COL14A1: variants seen among roughly 807,000 people sequenced by gnomAD.
COL14A1 encodes collagen type XIV alpha 1 chain, also known as collagen alpha-1(XIV) chain.
Under a neutral mutation model 230.3 loss-of-function variants are expected in COL14A1, and 136 were observed. The observed-to-expected ratio is 0.59, with a 90% CI of 0.51 to 0.68. The LOEUF is 0.68. Ranked by LOEUF, COL14A1 falls within the 30% of genes least tolerant of loss-of-function variation. The pLI, the probability that COL14A1 is intolerant of heterozygous loss-of-function variation, is 0.00. For missense variants in COL14A1, 1,976 were observed against 2,215.8 expected (o/e 0.89, Z 2.17); for synonymous variants, 792 against 784.1 (o/e 1.01, Z -0.17).
chr8:120,307,795 A>G (rs1809284530), intron 36 of COL14A1, among the ~76,000 whole-genome samples: 1 of 152,158 alleles, frequency 6.6e-6, no homozygotes, highest in African/African-American at 2.4e-5. Context: ...GGAAACAGGG[A>G]CCCTCTTAAA....
At chr8:120,216,610 C>A in intron 14 of COL14A1, 120 bp downstream of exon 14, 2 of 1,065,666 alleles carry the variant, frequency 1.9e-6, no homozygotes, top group Non-Finnish European at 2.6e-6. Context: ...TATTGTCTCG[C>A]ATAGTTCCTG....
chr8:120,316,039 C>CTT, intron 40 of COL14A1, 42 bp downstream of exon 40: 1 of 1,601,856 alleles, frequency 6.2e-7, no homozygotes, highest in Non-Finnish European at 8.6e-7. Flanking sequence ...AAGTAGTGAC[C>CTT]TTTTCACCAG....
intron 32 of COL14A1, 31 bp from the exon 33 acceptor site, chr8:120,285,830 T>G (rs763912906): frequency 1.5e-5 from 21 of 1,396,778 alleles, no homozygotes; most frequent in Non-Finnish European, 1.8e-5. Flanking sequence ...CTTTAATTAT[T>G]TCTAAAATAT....
At chr8:120,163,838 C>T (rs1271720294) in intron 4 of COL14A1, among the ~76,000 whole-genome samples, 2 of 152,074 alleles carry the variant, frequency 1.3e-5, no homozygotes, top group Admixed American at 1.3e-4. Context: ...GACATTCATT[C>T]ATTCTTTTTT....
At chr8:120,208,437 C>T in intron 11 of COL14A1, 76 bp downstream of exon 11, 1 of 1,488,086 alleles carries the variant, frequency 6.7e-7, no homozygotes, top group Non-Finnish European at 9.1e-7. Flanking sequence ...TGAAATTCTG[C>T]TCAGGTCATG....
chr8:120,279,138 G>T (rs917406058), intron 28 of COL14A1, among the ~76,000 whole-genome samples: 1 of 150,748 alleles, frequency 6.6e-6, no homozygotes, highest in African/African-American at 2.4e-5. Context: ...CATCACACAC[G>T]GGGGCCTGTC....
At chr8:120,196,971 G>T in intron 6 of COL14A1, 25 bp downstream of exon 6, 3 of 1,608,662 alleles carry the variant, frequency 1.9e-6, no homozygotes, top group Non-Finnish European at 2.5e-6. Flanking sequence ...ATTAGCAGTA[G>T]CAGTCAGTTG....
At chr8:120,163,257 A>T (rs1815749762) in intron 4 of COL14A1, among the ~76,000 whole-genome samples, 1 of 152,212 alleles carries the variant, frequency 6.6e-6, no homozygotes. Context: ...GACTCTGTGA[A>T]GAGAGGTACT....
chr8:120,164,558 A>C (rs1405318788), intron 4 of COL14A1, among the ~76,000 whole-genome samples: 1 of 152,220 alleles, frequency 6.6e-6, no homozygotes, highest in Non-Finnish European at 1.5e-5. Flanking sequence ...ATATTTTAAA[A>C]ATTTAAAAGA....
At chr8:120,280,530 G>A (rs999531984) in intron 29 of COL14A1, among the ~76,000 whole-genome samples, 181 bp from the exon 30 acceptor site, 2 of 152,096 alleles carry the variant, frequency 1.3e-5, no homozygotes, top group African/African-American at 4.8e-5. Flanking sequence ...GTTGTAATAA[G>A]GGACCTTAGC....
chr8:120,290,222 G>T, intron 34 of COL14A1, among the ~76,000 whole-genome samples: 1 of 151,990 alleles, frequency 6.6e-6, no homozygotes, highest in East Asian at 1.9e-4. Context: ...GGTTAGATTT[G>T]GGCATTTTAA....
At chr8:120,309,288 C>T (rs1276979672) in intron 36 of COL14A1, among the ~76,000 whole-genome samples, 1 of 152,056 alleles carries the variant, frequency 6.6e-6, no homozygotes, top group Non-Finnish European at 1.5e-5. Context: ...CTAAGATTAC[C>T]TTATAGTTTT....
Position 120,160,157 on chromosome 8 carries a change from C to T in COL14A1, c.205+1911C>T, listed in dbSNP as rs112960455. 5.8e-3 allele frequency among the ~76,000 whole-genome samples: 876 copies of T among 152,062 alleles called. 9 individuals are homozygous for T. Among genetic ancestry groups the T allele is most frequent in the African/African-American group, 0.018 (752 of 41,472 alleles). The stretch of plus-strand genomic sequence containing the variant: ...AGAGTTTTCATTTTGGAGTATGACT[C>T]AGTTATGAAATTTCTTTGATTTTTA... On this transcript the variant is annotated intron_variant, in intron 3 of 47. Transcript: ENST00000297848.
rs746702149 is a variant in COL14A1, at chr8:120,199,541, G to A, written c.852G>A (p.Glu284=). The stretch of plus-strand genomic sequence containing the variant: ...TTCCACCATCTAGAAATCTTCGTGA[G>A]TCTGGTGTAGAACTGTTTGCCATAG... ...DIIPPSRNLR[E]SGVELFAIGV... The change falls in exon 8 of 48, where the codon GAG becomes GAA. Residue 284 remains glutamate, a synonymous_variant. Transcript: ENST00000297848. 3.7e-6 allele frequency: 6 copies of A among 1,612,916 alleles called. No homozygotes were observed. The highest frequency in any genetic ancestry group is 1.7e-4 in the Middle Eastern group (1 of 6,056).
chr8:120,354,822 C>A (rs116189578), intron 45 of COL14A1, among the ~76,000 whole-genome samples: 2 of 152,176 alleles, frequency 1.3e-5, no homozygotes, highest in Admixed American at 6.5e-5. Context: ...ATTGAAGAGG[C>A]CTCATTTGCA....
chr8:120,236,377 C>T (rs565864801), intron 19 of COL14A1, among the ~76,000 whole-genome samples: 4 of 151,722 alleles, frequency 2.6e-5, no homozygotes, highest in African/African-American at 9.7e-5. Flanking sequence ...TAATGCCCTT[C>T]TTTGTCTTTT....
intron 15 of COL14A1, among the ~76,000 whole-genome samples, chr8:120,226,056 T>TTTGGTGTTGGGTG (rs1485666892): frequency 6.6e-6 from 1 of 152,050 alleles, no homozygotes; most frequent in African/African-American, 2.4e-5. Flanking sequence ...GATAATTTAT[T>TTTGGTGTTGGGTG]TTGGGTGCAG....
intron 45 of COL14A1, among the ~76,000 whole-genome samples, chr8:120,350,828 C>T (rs1416430214): frequency 1.1e-4 from 16 of 151,652 alleles, no homozygotes; most frequent in African/African-American, 3.4e-4. Flanking sequence ...GACAGATCAA[C>T]GAGACAGAAA....
intron 26 of COL14A1, among the ~76,000 whole-genome samples, chr8:120,274,486 G>A (rs1196279660): frequency 2.6e-5 from 4 of 151,670 alleles, no homozygotes; most frequent in Admixed American, 2.6e-4. Context: ...GAGCAATCAG[G>A]CAAGAGAAAA....
Sources: gnomAD v4.1 joint callset for allele counts (sites outside exome capture counted in the v4.1 genomes callset) on GRCh38, gnomAD v4.1.1 for gene constraint, MANE v1.5 for transcripts, NCBI Gene and HGNC (gene_info 2026-07-23, HGNC 2026-07-21) for gene names.